Variants in RAB22A observed in about 807,000 individuals in gnomAD.
RAB22A encodes RAB22A, member RAS oncogene family, also known as ras-related protein Rab-22A.
A neutral mutation model predicts 30.2 loss-of-function variants in RAB22A; 13 were observed. The observed-to-expected ratio is 0.43, with a 90% CI of 0.28 to 0.68. The LOEUF (loss-of-function observed/expected upper bound fraction) is 0.68, where lower values mean the gene tolerates loss of function less well. RAB22A is among the 30% of genes least tolerant of loss of function. The pLI is 0.18. For missense variants in RAB22A, 177 were observed against 246.8 expected (o/e 0.72, Z 1.89); for synonymous variants, 89 against 87.2 (o/e 1.02, Z -0.11).
chr20:58,353,141 A>G, intron 3 of RAB22A, 132 bp from the exon 4 acceptor site: 1 of 811,766 alleles, frequency 1.2e-6, no homozygotes, highest in Non-Finnish European at 1.9e-6. Context: ...CATTTGCTTT[A>G]AAGCAGCATG....
At chr20:58,316,338 TTGTA>T (rs1466090768) in intron 2 of RAB22A, among the ~76,000 whole-genome samples, 3 of 152,082 alleles carry the variant, frequency 2.0e-5, no homozygotes, top group Admixed American at 6.5e-5. Context: ...TGTCATCCCT[TTGTA>T]TGTCCAGATC....
rs183503783 is a variant in RAB22A, at chr20:58,326,565, C to A, written c.116+15443C>A. Reference sequence around the variant, plus strand: ...GATAGACCATAATTTGTCTATTCCTCCCCCTAGTTGAGGACATCCAAGTTC... The same window carrying A: ...GATAGACCATAATTTGTCTATTCCTACCCCTAGTTGAGGACATCCAAGTTC... On this transcript the variant is annotated intron_variant, in intron 2 of 6. Coordinates refer to ENST00000244040, the MANE Select transcript of RAB22A (RefSeq NM_020673.3). Among the ~76,000 whole-genome samples, 5 of 152,188 alleles carry A rather than the reference C, an allele frequency of 3.3e-5. No homozygotes were observed. The East Asian group carries it at 7.7e-4, about 23-fold the overall frequency.
At chr20:58,320,641 T>C (rs944069114) in intron 2 of RAB22A, among the ~76,000 whole-genome samples, 1 of 152,244 alleles carries the variant, frequency 6.6e-6, no homozygotes, top group African/African-American at 2.4e-5. Flanking sequence ...CATTTTCATT[T>C]AGTTGCCCCT....
rs775353968 is a variant in RAB22A at position 58,362,096 on chromosome 20, C to G, written c.*2393C>G. 1 of 152,062 alleles carries G rather than the reference C, an allele frequency of 6.6e-6. No individual in the cohort carries two copies. The highest frequency in any genetic ancestry group is 1.9e-4 in the East Asian group (1 of 5,184). The allele number at this position is 152,062 out of a possible 1,614,324, so 9.4% of individuals were successfully genotyped here. A position where few individuals can be genotyped will look rare whatever the true frequency, so the allele number is the denominator to read the frequency against. On this transcript the variant is annotated 3_prime_UTR_variant, in exon 7 of 7. Transcript: ENST00000244040. ...AGCTTGTACTTATGCATTTCTCGGG[C>G]CTCTTCCCTCATTTTCATCAGTCTG...
At chr20:58,357,681 G>A (rs149519683) in intron 6 of RAB22A, among the ~76,000 whole-genome samples, 60 of 152,308 alleles carry the variant, frequency 3.9e-4, no homozygotes, top group Non-Finnish European at 5.9e-4. Context: ...ATGACAAGAA[G>A]CTTGGGTAAA....
intron 6 of RAB22A, among the ~76,000 whole-genome samples, chr20:58,357,005 C>T (rs930617596): frequency 6.6e-6 from 1 of 152,176 alleles, no homozygotes; most frequent in Non-Finnish European, 1.5e-5. Flanking sequence ...TGGTGAACAT[C>T]TGTACACATT....
At chr20:58,354,974 G>C (rs1289770898) in intron 6 of RAB22A, among the ~76,000 whole-genome samples, 1 of 152,188 alleles carries the variant, frequency 6.6e-6, no homozygotes, top group African/African-American at 2.4e-5. Flanking sequence ...AATTTAGGAT[G>C]AAATGAAGGA....
intron 2 of RAB22A, among the ~76,000 whole-genome samples, chr20:58,322,958 A>G (rs922144680): frequency 6.6e-6 from 1 of 152,154 alleles, no homozygotes. Flanking sequence ...CTGTTTCAAT[A>G]TAAACATTAA....
chr20:58,312,639 C>T (rs1356197880), intron 2 of RAB22A, among the ~76,000 whole-genome samples: 4 of 151,820 alleles, frequency 2.6e-5, no homozygotes, highest in Non-Finnish European at 5.9e-5. Flanking sequence ...CAGGCACCCA[C>T]CACCATGCCT....
intron 6 of RAB22A, 119 bp from the exon 7 acceptor site, chr20:58,359,487 T>G: frequency 1.5e-6 from 1 of 671,166 alleles, no homozygotes; most frequent in South Asian, 2.2e-5. Context: ...TATAAAAAGT[T>G]TATTAAACTT....
chr20:58,351,323 G>A (rs71335474), intron 3 of RAB22A, among the ~76,000 whole-genome samples: 2,337 of 149,860 alleles, frequency 0.016, 19 homozygotes, highest in Admixed American at 0.022. Context: ...GTGACAGAGC[G>A]AGACTCTGTC....
chr20:58,365,972 C>T lies in RAB22A; in HGVS notation c.*6269C>T, dbSNP rs1010588041. On this transcript the variant is annotated 3_prime_UTR_variant, in exon 7 of 7. Coordinates refer to ENST00000244040, the MANE Select transcript of RAB22A (RefSeq NM_020673.3). ...GTGGTGGCCCTATTTTTAAACCATT[C>T]GTTACGCTGTGTAGACAGAGCTTTA... 5.3e-5 allele frequency: 8 copies of T among 152,048 alleles called. No homozygotes were observed. The highest frequency in any genetic ancestry group is 1.9e-4 in the East Asian group (1 of 5,192). The allele number at this position is 152,048 out of a possible 1,614,324, so 9.4% of individuals were successfully genotyped here.
intron 1 of RAB22A, among the ~76,000 whole-genome samples, chr20:58,310,289 T>A (rs1333115936): frequency 6.6e-6 from 1 of 152,018 alleles, no homozygotes; most frequent in Non-Finnish European, 1.5e-5. Flanking sequence ...GCCTCTCTAT[T>A]GCATCTGGGT....
At chr20:58,350,820 C>T (rs75804640) in intron 3 of RAB22A, among the ~76,000 whole-genome samples, 2,330 of 152,220 alleles carry the variant, frequency 0.015, 26 homozygotes, top group Non-Finnish European at 0.02. Context: ...GAAATAATAG[C>T]CACTAGAAAT....
At chr20:58,312,681 C>CG (rs1438094899) in intron 2 of RAB22A, among the ~76,000 whole-genome samples, 6 of 151,312 alleles carry the variant, frequency 4.0e-5, no homozygotes, top group African/African-American at 1.5e-4. Context: ...TTAGTAGAGA[C>CG]GGGGTTTCAT....
At chr20:58,349,021 T>C (rs1986998802) in intron 3 of RAB22A, among the ~76,000 whole-genome samples, 1 of 152,200 alleles carries the variant, frequency 6.6e-6, no homozygotes, top group Non-Finnish European at 1.5e-5. Flanking sequence ...AAGTTTGCCG[T>C]CACCTGATCT....
intron 2 of RAB22A, among the ~76,000 whole-genome samples, chr20:58,338,627 C>T (rs774404511): frequency 9.9e-5 from 15 of 152,156 alleles, no homozygotes; most frequent in Non-Finnish European, 1.9e-4. Flanking sequence ...TTGAGACTTC[C>T]GGCTTCTTGA....
chr20:58,313,290 G>A (rs1013494181), intron 2 of RAB22A, among the ~76,000 whole-genome samples: 6 of 152,174 alleles, frequency 3.9e-5, no homozygotes, highest in Non-Finnish European at 7.3e-5. Context: ...AGGGAAAATA[G>A]CATACAAGGC....
chr20:58,338,315 C>T (rs1367299877), intron 2 of RAB22A, among the ~76,000 whole-genome samples: 3 of 152,088 alleles, frequency 2.0e-5, no homozygotes, highest in Non-Finnish European at 4.4e-5. Context: ...CTTGAGCCAC[C>T]GTGCCCAGCC....
Sources: allele counts gnomAD v4.1 joint callset (sites outside exome capture counted in the v4.1 genomes callset), GRCh38; gene constraint gnomAD v4.1.1; transcripts MANE v1.5; gene names NCBI Gene and HGNC (gene_info 2026-07-23, HGNC 2026-07-21).